Variants in NLGN1 observed in about 807,000 individuals in gnomAD.
The protein encoded by NLGN1 is neuroligin-1.
In NLGN1, 12 loss-of-function variants were observed where a neutral mutation model predicts 65.5. The observed-to-expected ratio is 0.18, with a 90% CI of 0.12 to 0.30. The LOEUF is 0.30. NLGN1 is among the 10% of genes least tolerant of loss of function. The pLI is 1.00. For missense variants in NLGN1, 750 were observed against 1,007.1 expected, an observed-to-expected ratio of 0.74 and a Z score of 3.46; for synonymous variants, 350 against 359.5, an observed-to-expected ratio of 0.97 and a Z score of 0.30.
chr3:174,288,058 G>A (rs1161028178), downstream of NLGN1, among the ~76,000 whole-genome samples: 1 of 151,486 alleles, frequency 6.6e-6, no homozygotes, highest in African/African-American at 2.4e-5. Context: ...GTTTGGAATA[G>A]GTCCAAACAC....
chr3:173,766,075 T>C (rs1033605631), intron 3 of NLGN1, among the ~76,000 whole-genome samples: 7 of 151,718 alleles, frequency 4.6e-5, no homozygotes, highest in African/African-American at 1.7e-4. Flanking sequence ...GAATCTTCCT[T>C]ATTATGTTTT....
At chr3:173,914,313 G>T (rs747212679) in intron 4 of NLGN1, among the ~76,000 whole-genome samples, 6 of 152,052 alleles carry the variant, frequency 3.9e-5, no homozygotes, top group Non-Finnish European at 7.4e-5. Context: ...TTCTTCAAAG[G>T]GTTTAGGCTT....
chr3:174,013,305 G>T (rs183455064), intron 4 of NLGN1, among the ~76,000 whole-genome samples: 10 of 152,214 alleles, frequency 6.6e-5, no homozygotes, highest in Admixed American at 2.6e-4. Flanking sequence ...ACTTTGAAAG[G>T]TTCTACTGTT....
chr3:173,515,169 T>G (rs1217261123), intron 2 of NLGN1, among the ~76,000 whole-genome samples: 2 of 152,054 alleles, frequency 1.3e-5, no homozygotes, highest in Non-Finnish European at 2.9e-5. Context: ...ACACTTACCT[T>G]TTCTGTTTTT....
At chr3:174,131,472 A>G (rs1027598829) in intron 4 of NLGN1, among the ~76,000 whole-genome samples, 2 of 152,146 alleles carry the variant, frequency 1.3e-5, no homozygotes, top group Admixed American at 6.6e-5. Context: ...GGTGGCCACA[A>G]AGTTTTTTCT....
chr3:173,726,357 C>T (rs185075536), intron 3 of NLGN1, among the ~76,000 whole-genome samples: 2 of 152,012 alleles, frequency 1.3e-5, no homozygotes, highest in South Asian at 2.1e-4. Context: ...CATGGGAATA[C>T]GGCAAGGTAA....
At chr3:173,787,429 A>G (rs1179743716) in intron 3 of NLGN1, among the ~76,000 whole-genome samples, 1 of 152,208 alleles carries the variant, frequency 6.6e-6, no homozygotes, top group African/African-American at 2.4e-5. Context: ...TGGAGACTAA[A>G]TGGAAATGCA....
At chr3:174,006,274 C>A (rs980692403) in intron 4 of NLGN1, among the ~76,000 whole-genome samples, 2 of 152,180 alleles carry the variant, frequency 1.3e-5, no homozygotes, top group African/African-American at 4.8e-5. Flanking sequence ...CCAAAGAAAT[C>A]TCACTCTTTT....
chr3:174,168,295 G>A (rs1727902424), intron 4 of NLGN1, among the ~76,000 whole-genome samples: 2 of 152,062 alleles, frequency 1.3e-5, no homozygotes, highest in Non-Finnish European at 1.5e-5. Context: ...GATTTTTCGT[G>A]GTGACAGAGT....
At chr3:173,641,951 T>C (rs1012169318) in intron 3 of NLGN1, among the ~76,000 whole-genome samples, 1 of 152,138 alleles carries the variant, frequency 6.6e-6, no homozygotes, top group Non-Finnish European at 1.5e-5. Context: ...ATATATACTA[T>C]CTTACCCTTT....
chr3:173,841,101 CT>C (rs1292648431), intron 4 of NLGN1, among the ~76,000 whole-genome samples: 15 of 150,892 alleles, frequency 9.9e-5, no homozygotes, highest in Non-Finnish European at 4.4e-5. Context: ...CTTAGAAATA[CT>C]TTAAAACTCT....
intron 2 of NLGN1, among the ~76,000 whole-genome samples, chr3:173,499,966 T>G (rs1730763609): frequency 6.6e-6 from 1 of 151,846 alleles, no homozygotes; most frequent in Admixed American, 6.6e-5. Context: ...AGAAATGGGG[T>G]TTTCTAGATA....
intron 3 of NLGN1, among the ~76,000 whole-genome samples, chr3:173,696,075 G>A (rs567495463): frequency 1.3e-5 from 2 of 152,274 alleles, no homozygotes; most frequent in South Asian, 4.1e-4. Flanking sequence ...GCCTCTCAAA[G>A]TGTGAAGATT....
intron 3 of NLGN1, among the ~76,000 whole-genome samples, chr3:173,665,350 T>C (rs1761547829): frequency 6.6e-6 from 1 of 152,104 alleles, no homozygotes; most frequent in East Asian, 1.9e-4. Context: ...CCTTCCTTCA[T>C]GATTATAAGT....
chr3:173,485,116 CAAAAAA>C (rs58463042), intron 2 of NLGN1, among the ~76,000 whole-genome samples: 1 of 52,900 alleles, frequency 1.9e-5, no homozygotes, highest in Non-Finnish European at 3.7e-5. Flanking sequence ...TGGCAGCAGG[CAAAAAA>C]AAAAAAAAAA....
Position 174,279,651 on chromosome 3 carries a change from G to GACAAAT in NLGN1, c.1649+1_1649+2insACAAAT. The GACAAAT allele has an allele frequency of 6.4e-7, 1 of 1,562,376 alleles. No homozygotes were observed. The highest frequency in any genetic ancestry group is 8.8e-7 in the Non-Finnish European group (1 of 1,141,048). ...ACTGGACAAATTTTGCTAAAACTGG[G>GACAAAT]TATGTACCTAAGGAATGAAGTTTAT... On this transcript the variant is annotated splice_donor_variant, in intron 6 of 6. Coordinates refer to ENST00000457714, the Ensembl canonical transcript of NLGN1. LOFTEE classifies it high-confidence loss of function. The surrounding 1 kb of genome is among the most constrained non-coding windows in gnomAD (Gnocchi z 4.7).
At chr3:173,900,987 G>A (rs972941287) in intron 4 of NLGN1, among the ~76,000 whole-genome samples, 9 of 151,994 alleles carry the variant, frequency 5.9e-5, no homozygotes, top group South Asian at 2.1e-4. Context: ...CTGGAAACTC[G>A]TGTCTTTTGG....
chr3:174,202,152 G>T (rs1040188149), intron 4 of NLGN1, among the ~76,000 whole-genome samples: 1 of 151,820 alleles, frequency 6.6e-6, no homozygotes, highest in Admixed American at 6.6e-5. Flanking sequence ...TGTGTTTTCT[G>T]TGCACAGTAC....
At chr3:173,565,488 A>G (rs1326187243) in intron 2 of NLGN1, among the ~76,000 whole-genome samples, 2 of 152,224 alleles carry the variant, frequency 1.3e-5, no homozygotes, top group Non-Finnish European at 2.9e-5. Context: ...GAAAAGAGCT[A>G]GAGTGCATTC....
Sources: gnomAD v4.1 joint callset for allele counts (sites outside exome capture counted in the v4.1 genomes callset) on GRCh38, gnomAD v4.1.1 for gene constraint, Gnocchi (gnomAD v3.1) non-coding constraint, MANE v1.5 for transcripts, NCBI Gene and HGNC (gene_info 2026-07-23, HGNC 2026-07-21) for gene names.